The following ACYP2 variants were observed in gnomAD, a reference collection of about 807,000 sequenced individuals.
ACYP2 encodes acylphosphatase-2.
ACYP2 carries 12 observed loss-of-function variants against 11.2 expected under a neutral mutation model. The observed-to-expected ratio is 1.08, with a 90% confidence interval of 0.69 to 1.74. The LOEUF (loss-of-function observed/expected upper bound fraction) is 1.74, where lower values mean the gene tolerates loss of function less well. Ranked by LOEUF, ACYP2 falls within the 40% of genes most tolerant of loss-of-function variation. The pLI is 0.00. For missense variants in ACYP2, 134 were observed against 101.9 expected, an observed-to-expected ratio of 1.31 and a Z score of -1.35; for synonymous variants, 43 against 32.2, an observed-to-expected ratio of 1.33 and a Z score of -1.13.
intron 4 of ACYP2, among the ~76,000 whole-genome samples, chr2:54,076,172 A>C (rs933469973): frequency 1.3e-5 from 2 of 152,184 alleles, no homozygotes; most frequent in Admixed American, 6.5e-5. Flanking sequence ...AGCTTATGTA[A>C]GTGTAAAGAA....
intron 6 of ACYP2, among the ~76,000 whole-genome samples, chr2:54,185,965 A>G (rs1444054328): frequency 6.6e-6 from 1 of 151,684 alleles, no homozygotes; most frequent in African/African-American, 2.4e-5. Flanking sequence ...TATAAATATA[A>G]TATTAAATAT....
At chr2:54,255,257 G>T in intron 6 of ACYP2, 1 of 1,614,196 alleles carries the variant, frequency 6.2e-7, no homozygotes, top group South Asian at 1.1e-5. Context: ...GGGTTTCTTT[G>T]AAAGAAGAAC....
At chr2:54,008,774 C>T (rs75058872) in intron 2 of ACYP2, among the ~76,000 whole-genome samples, 12,804 of 152,098 alleles carry the variant, frequency 0.084, 743 homozygotes, top group East Asian at 0.27. Flanking sequence ...CATGGGATGA[C>T]GGAAGAGTAC....
At chr2:54,108,421 A>ATTT (rs1679283621) in intron 4 of ACYP2, among the ~76,000 whole-genome samples, 2 of 152,220 alleles carry the variant, frequency 1.3e-5, no homozygotes, top group Non-Finnish European at 2.9e-5. Flanking sequence ...ACTAGCCCAG[A>ATTT]CCTGCGGGTA....
At chr2:54,129,033 A>G (rs1572821677) in intron 4 of ACYP2, among the ~76,000 whole-genome samples, 1 of 152,260 alleles carries the variant, frequency 6.6e-6, no homozygotes, top group Non-Finnish European at 1.5e-5. Context: ...AAGTCCACAA[A>G]TCCAGCCCTG....
chr2:54,017,692 A>T (rs1397847308), intron 2 of ACYP2, among the ~76,000 whole-genome samples: 4 of 152,138 alleles, frequency 2.6e-5, no homozygotes, highest in African/African-American at 9.7e-5. Context: ...TGTAATTCTT[A>T]TGAAAAATAG....
rs80334053 is a variant in ACYP2, at chr2:54,221,157, G to A, written c.404+82409G>A. On this transcript the variant is annotated intron_variant, in intron 6 of 6. Transcript: ENST00000607452. ...GTTCCAGAATTAACACAAGTGAATC[G>A]AACCTGAGCCCAACCTATAGCCTGA... Among the ~76,000 whole-genome samples, 1,014 of 152,186 alleles carry A rather than the reference G, an allele frequency of 6.7e-3. 16 individuals carry two copies. The highest frequency in any genetic ancestry group is 0.024 in the African/African-American group (983 of 41,522).
At chr2:54,142,803 G>A (rs1681679028) in intron 6 of ACYP2, 1 of 152,178 alleles carries the variant, frequency 6.6e-6, no homozygotes, top group African/African-American at 2.4e-5. Context: ...ACACACAGAT[G>A]TTGTTCCATT....
chr2:54,112,040 T>C (rs958144387), intron 4 of ACYP2, among the ~76,000 whole-genome samples: 1 of 152,210 alleles, frequency 6.6e-6, no homozygotes, highest in Admixed American at 6.5e-5. Context: ...ATGTGTATTA[T>C]CTATCATATG....
intron 5 of ACYP2, 63 bp downstream of exon 2, chr2:54,135,532 G>A: frequency 4.1e-6 from 6 of 1,470,262 alleles, no homozygotes; most frequent in Non-Finnish European, 4.7e-6. Context: ...CAATTACAGA[G>A]ATAGGGCAGT....
intron 2 of ACYP2, among the ~76,000 whole-genome samples, chr2:54,039,254 T>C (rs1490742922): frequency 2.5e-5 from 3 of 121,826 alleles, no homozygotes; most frequent in Non-Finnish European, 3.5e-5. Flanking sequence ...TACATCGTGC[T>C]TTAATTTTTT....
chr2:54,176,414 T>C (rs771872084), intron 6 of ACYP2, among the ~76,000 whole-genome samples: 1 of 152,184 alleles, frequency 6.6e-6, no homozygotes, highest in Non-Finnish European at 1.5e-5. Context: ...CGACCAAGTG[T>C]CTCTGATGGT....
chr2:54,060,609 G>A (rs1043272541), intron 4 of ACYP2, among the ~76,000 whole-genome samples: 5 of 152,088 alleles, frequency 3.3e-5, no homozygotes, highest in Non-Finnish European at 7.3e-5. Context: ...TTCTGCAGAG[G>A]TAAGTAGGTT....
At chr2:54,047,232 C>T (rs748112054) in intron 2 of ACYP2, among the ~76,000 whole-genome samples, 13 of 152,212 alleles carry the variant, frequency 8.5e-5, no homozygotes, top group Non-Finnish European at 1.3e-4. Context: ...GCAGGCTTCA[C>T]TGACACATTT....
intron 4 of ACYP2, among the ~76,000 whole-genome samples, chr2:54,106,818 C>T (rs949240333): frequency 1.3e-5 from 2 of 152,068 alleles, no homozygotes; most frequent in African/African-American, 2.4e-5. Context: ...GTCCTGACCT[C>T]GTGATCCGCC....
intron 4 of ACYP2, among the ~76,000 whole-genome samples, chr2:54,124,258 G>T (rs1034699977): frequency 6.6e-6 from 1 of 151,416 alleles, no homozygotes; most frequent in African/African-American, 2.4e-5. Context: ...GCAATGGCGC[G>T]ATGTGGGCTC....
At chr2:54,213,959 C>G (rs12616744) in intron 6 of ACYP2, among the ~76,000 whole-genome samples, 1 of 151,670 alleles carries the variant, frequency 6.6e-6, no homozygotes, top group Non-Finnish European at 1.5e-5. Flanking sequence ...TTTTTTGTAG[C>G]GACAAGATCT....
intron 6 of ACYP2, among the ~76,000 whole-genome samples, chr2:54,276,213 A>G (rs2104099820): frequency 6.6e-6 from 1 of 151,060 alleles, no homozygotes; most frequent in South Asian, 2.1e-4. Context: ...GTCCTTAGCA[A>G]GCTGTGCAAG....
intron 4 of ACYP2, among the ~76,000 whole-genome samples, chr2:54,079,535 G>A (rs1357602113): frequency 3.3e-5 from 5 of 152,164 alleles, no homozygotes; most frequent in Non-Finnish European, 7.4e-5. Context: ...GTTCCATGGA[G>A]GAAGTCAGCT....
Sources: allele counts gnomAD v4.1 joint callset (sites outside exome capture counted in the v4.1 genomes callset), GRCh38; gene constraint gnomAD v4.1.1; transcripts MANE v1.5; gene names NCBI Gene and HGNC (gene_info 2026-07-23, HGNC 2026-07-21).